Variants in PPARGC1A observed in about 807,000 individuals in gnomAD.
The protein encoded by PPARGC1A is PPARG coactivator 1 alpha, also known as peroxisome proliferator-activated receptor gamma coactivator 1-alpha.
A neutral mutation model predicts 88.7 loss-of-function variants in PPARGC1A; 25 were observed. That is an observed-to-expected ratio of 0.28 (90% CI 0.21 to 0.39). The LOEUF (loss-of-function observed/expected upper bound fraction) is 0.39. PPARGC1A is among the 10% of genes least tolerant of loss of function. PPARGC1A has a pLI of 1.00. For synonymous variants in PPARGC1A, 363 were observed against 355.6 expected (o/e 1.02, Z -0.24); for missense variants, 880 against 968.7 (o/e 0.91, Z 1.22).
the PPARGC1A span, among the ~76,000 whole-genome samples, chr4:24,440,034 G>C: frequency 6.6e-6 from 1 of 152,134 alleles, no homozygotes; most frequent in African/African-American, 2.4e-5. Flanking sequence ...CAAATCCCTT[G>C]CCCTATATTA....
chr4:24,054,196 G>A, the PPARGC1A span, among the ~76,000 whole-genome samples: 1 of 151,610 alleles, frequency 6.6e-6, no homozygotes, highest in Admixed American at 6.6e-5. Context: ...TTAAGAAGAG[G>A]TATCCTAAGG....
the PPARGC1A span, among the ~76,000 whole-genome samples, chr4:24,337,522 C>T: frequency 5.3e-5 from 8 of 152,160 alleles, no homozygotes; most frequent in East Asian, 1.9e-4. Context: ...AGGCGTGGAG[C>T]GCTCCAGGTC....
chr4:23,806,383 T>A (rs1367504210), intron 10 of PPARGC1A, among the ~76,000 whole-genome samples: 1 of 152,224 alleles, frequency 6.6e-6, no homozygotes, highest in Non-Finnish European at 1.5e-5. Context: ...AGATTTCATA[T>A]CTTTAAAAAA....
At position 23,884,938 on chromosome 4, in the gene PPARGC1A, G is replaced by A. The variant is rs779647975; in HGVS notation, c.55-7C>T. 1.3e-6 allele frequency: 2 copies of A among 1,548,034 alleles called. No homozygotes were observed. Among genetic ancestry groups the A allele is most frequent in the Admixed American group, 2.1e-5 (1 of 47,718 alleles). ...CACCAACCAGAGCAGCACACTGCAG[G>A]AGGCAGAAAAAAAAAATTTAAAAAA... is the stretch of plus-strand genomic sequence containing the variant. On this transcript the variant is annotated splice_region_variant and splice_polypyrimidine_tract_variant and intron_variant, in intron 1 of 12. Transcript: ENST00000264867.
chr4:24,166,323 T>G, the PPARGC1A span, among the ~76,000 whole-genome samples: 1 of 152,226 alleles, frequency 6.6e-6, no homozygotes, highest in Non-Finnish European at 1.5e-5. Flanking sequence ...AAGTGCAAAG[T>G]GAAGCAGCAA....
chr4:24,460,318 C>T, the PPARGC1A span, among the ~76,000 whole-genome samples: 1 of 152,144 alleles, frequency 6.6e-6, no homozygotes, highest in Non-Finnish European at 1.5e-5. Flanking sequence ...AGCCGGCGAA[C>T]TGTTCTTCCA....
chr4:24,454,555 A>G, the PPARGC1A span, among the ~76,000 whole-genome samples: 1 of 141,876 alleles, frequency 7.0e-6, no homozygotes, highest in Non-Finnish European at 1.5e-5. Flanking sequence ...GGACAACATG[A>G]CAAGACCTTG....
the PPARGC1A span, among the ~76,000 whole-genome samples, chr4:24,226,141 C>T: frequency 1.3e-5 from 2 of 152,116 alleles, no homozygotes; most frequent in African/African-American, 2.4e-5. Context: ...ACTCTGCCGC[C>T]GCCTGACACT....
At chr4:23,832,776 A>AT (rs1354776583) in intron 2 of PPARGC1A, among the ~76,000 whole-genome samples, 2 of 151,220 alleles carry the variant, frequency 1.3e-5, no homozygotes, top group Non-Finnish European at 2.9e-5. Flanking sequence ...CGCCCGGCTA[A>AT]TTTTTTTGTA....
intron 2 of PPARGC1A, among the ~76,000 whole-genome samples, chr4:23,850,374 G>A (rs538431479): frequency 6.6e-6 from 1 of 152,182 alleles, no homozygotes; most frequent in Non-Finnish European, 1.5e-5. Context: ...AGTGCTCAGA[G>A]TAATATTGTC....
chr4:24,099,713 A>G, the PPARGC1A span, among the ~76,000 whole-genome samples: 1 of 152,088 alleles, frequency 6.6e-6, no homozygotes, highest in African/African-American at 2.4e-5. Flanking sequence ...GCTGTTGTAA[A>G]ATGTAAGTTG....
chr4:23,906,565 C>G (rs12374203), upstream of PPARGC1A, among the ~76,000 whole-genome samples: 1 of 137,932 alleles, frequency 7.2e-6, no homozygotes, highest in Non-Finnish European at 1.5e-5. Flanking sequence ...CTTGACGGTG[C>G]TACGCACTCC....
the PPARGC1A span, among the ~76,000 whole-genome samples, chr4:24,066,543 G>C: frequency 6.6e-6 from 1 of 152,152 alleles, no homozygotes; most frequent in East Asian, 1.9e-4. Context: ...ATATTAGTTA[G>C]GAGTCTGTTT....
At chr4:23,969,045 GC>G in the PPARGC1A span, among the ~76,000 whole-genome samples, 1 of 152,146 alleles carries the variant, frequency 6.6e-6, no homozygotes, top group Admixed American at 6.5e-5. Flanking sequence ...AACCCTTCTC[GC>G]CCCACTGGGA....
chr4:24,336,466 A>G, the PPARGC1A span, among the ~76,000 whole-genome samples: 2 of 152,234 alleles, frequency 1.3e-5, no homozygotes, highest in East Asian at 3.8e-4. Context: ...GAAAAATATA[A>G]AGAGAGTAAT....
At chr4:24,127,358 G>A in the PPARGC1A span, among the ~76,000 whole-genome samples, 1 of 151,828 alleles carries the variant, frequency 6.6e-6, no homozygotes, top group Non-Finnish European at 1.5e-5. Flanking sequence ...GCCTTTTCAC[G>A]CCATAAGCCA....
the PPARGC1A span, among the ~76,000 whole-genome samples, chr4:24,035,108 G>A: frequency 5.3e-5 from 8 of 152,166 alleles, no homozygotes; most frequent in Admixed American, 2.0e-4. Context: ...CATGATATCC[G>A]GGAGATAGTA....
At chr4:24,317,496 T>C in the PPARGC1A span, among the ~76,000 whole-genome samples, 1 of 132,098 alleles carries the variant, frequency 7.6e-6, no homozygotes, top group Admixed American at 9.3e-5. Flanking sequence ...GATGAAAGAA[T>C]GGAAGTCCAA....
At chr4:24,387,810 A>AAAGAG in the PPARGC1A span, among the ~76,000 whole-genome samples, 1 of 108,400 alleles carries the variant, frequency 9.2e-6, no homozygotes, top group African/African-American at 3.3e-5. Context: ...GAAAGAAAGA[A>AAAGAG]AGAAAGAAAG....
Sources: allele counts gnomAD v4.1 joint callset (sites outside exome capture counted in the v4.1 genomes callset), GRCh38; gene constraint gnomAD v4.1.1; transcripts MANE v1.5; gene names NCBI Gene and HGNC (gene_info 2026-07-23, HGNC 2026-07-21).